Variants in MGST1 observed in about 807,000 individuals in gnomAD.
The protein encoded by MGST1 is glutathione S-transferase 12.
Under a neutral mutation model 8.9 loss-of-function variants are expected in MGST1, and 5 were observed. That is an observed-to-expected ratio of 0.56 (90% CI 0.29 to 1.19). The LOEUF (loss-of-function observed/expected upper bound fraction) is 1.19, where lower values mean the gene tolerates loss of function less well. MGST1 is among the 50% of genes most tolerant of loss of function. MGST1 has a pLI of 0.08. For missense variants in MGST1, 182 were observed against 187.4 expected (o/e 0.97, Z 0.17); for synonymous variants, 54 against 67.8 (o/e 0.80, Z 1.00).
At chr12:16,418,944 CTTATATGT>C (rs1423393516) in intron 1 of MGST1, among the ~76,000 whole-genome samples, 1 of 151,994 alleles carries the variant, frequency 6.6e-6, no homozygotes, top group Non-Finnish European at 1.5e-5. Context: ...CCCCTCAGAG[CTTATATGT>C]TTAGTGTTTG....
intron 4 of MGST1, among the ~76,000 whole-genome samples, chr12:16,507,488 C>T (rs1941546094): frequency 6.6e-6 from 1 of 152,014 alleles, no homozygotes. Flanking sequence ...TAATTAACAC[C>T]AGAAGGAAGC....
chr12:16,404,295 C>T (rs985756964), intron 1 of MGST1, among the ~76,000 whole-genome samples: 5 of 151,718 alleles, frequency 3.3e-5, no homozygotes, highest in African/African-American at 7.3e-5. Flanking sequence ...ATATTTTTTC[C>T]ATTCTTTTAC....
intron 4 of MGST1, among the ~76,000 whole-genome samples, chr12:16,470,293 G>T (rs1467452336): frequency 6.6e-6 from 1 of 152,178 alleles, no homozygotes; most frequent in Non-Finnish European, 1.5e-5. Flanking sequence ...TTTAGATCAA[G>T]AAAGCAGGGT....
intron 4 of MGST1, among the ~76,000 whole-genome samples, chr12:16,519,661 C>A (rs769811115): frequency 2.0e-5 from 3 of 151,508 alleles, no homozygotes; most frequent in African/African-American, 7.3e-5. Flanking sequence ...TTTACAGTTT[C>A]AGCTGACTAC....
At chr12:16,351,595 A>G (rs1939468188) in intron 1 of MGST1, among the ~76,000 whole-genome samples, 1 of 152,158 alleles carries the variant, frequency 6.6e-6, no homozygotes, top group African/African-American at 2.4e-5. Flanking sequence ...GGATCACCTG[A>G]GGTCAGGAGT....
At chr12:16,565,421 CT>C (rs1344848663) in intron 4 of MGST1, among the ~76,000 whole-genome samples, 1 of 152,114 alleles carries the variant, frequency 6.6e-6, no homozygotes. Flanking sequence ...ACATTCAATT[CT>C]TTTGTTTTCA....
intron 4 of MGST1, among the ~76,000 whole-genome samples, chr12:16,501,353 T>C (rs949079509): frequency 6.6e-6 from 1 of 152,180 alleles, no homozygotes; most frequent in Non-Finnish European, 1.5e-5. Flanking sequence ...AATATATACC[T>C]CACAACTGTA....
chr12:16,512,204 G>A (rs1386044333), intron 4 of MGST1, among the ~76,000 whole-genome samples: 2 of 151,908 alleles, frequency 1.3e-5, no homozygotes, highest in Non-Finnish European at 2.9e-5. Flanking sequence ...CATATACACT[G>A]AGAGCACACA....
rs376042587 is a variant in MGST1 at position 16,390,245 on chromosome 12, T to G, written n.778+6641T>G. 8.5e-5 allele frequency among the ~76,000 whole-genome samples: 13 copies of G among 152,170 alleles called. No individual in the cohort carries two copies. The East Asian group carries it at 1.2e-3, about 14-fold the overall frequency. On this transcript the variant is annotated intron_variant and non_coding_transcript_variant, in intron 1 of 1. Coordinates refer to the MGST1 transcript ENST00000359720. ...AAAATATTAAACTGGGTAGAGAATT[T>G]TTTAAAAAAATTGTCCACTTTAGAA...
intron 1 of MGST1, among the ~76,000 whole-genome samples, chr12:16,435,724 T>C (rs1940979377): frequency 2.0e-5 from 3 of 151,430 alleles, no homozygotes; most frequent in Admixed American, 2.0e-4. Context: ...AACCCTAGAC[T>C]TCTAAGATTA....
chr12:16,352,549 G>C (rs1460374619), intron 1 of MGST1, among the ~76,000 whole-genome samples: 1 of 152,156 alleles, frequency 6.6e-6, no homozygotes, highest in Non-Finnish European at 1.5e-5. Context: ...ACAAGAGGAG[G>C]TTACAAAGAA....
At chr12:16,425,139 A>G (rs1320236300) in intron 1 of MGST1, among the ~76,000 whole-genome samples, 2 of 152,112 alleles carry the variant, frequency 1.3e-5, no homozygotes, top group African/African-American at 4.8e-5. Context: ...TACAGCAATT[A>G]TGGTCTTTGA....
At chr12:16,511,741 C>T (rs1424065170) in intron 4 of MGST1, among the ~76,000 whole-genome samples, 1 of 152,054 alleles carries the variant, frequency 6.6e-6, no homozygotes, top group African/African-American at 2.4e-5. Context: ...CAGTACCAGC[C>T]CCTCTCTTCT....
In MGST1 at chr12:16,555,392, TG is replaced by T. The variant is rs1300072897; in HGVS notation, n.483-34135del. Among the ~76,000 whole-genome samples the T allele has an allele frequency of 1.3e-5, 2 of 152,200 alleles. No homozygotes were observed. The highest frequency in any genetic ancestry group is 4.8e-5 in the African/African-American group (2 of 41,454). On this transcript the variant is annotated intron_variant and non_coding_transcript_variant, in intron 4 of 4. Coordinates refer to the MGST1 transcript ENST00000538857. The surrounding 1 kb of genome is among the most constrained non-coding windows in gnomAD (Gnocchi z 5.5). ...GGTGTTTCAAAATTTCTCATGAATG[TG>T]TAACTGGTTTGCCATTATAGTCAGC...
chr12:16,381,133 A>G (rs540401438), downstream of MGST1, among the ~76,000 whole-genome samples: 18 of 152,276 alleles, frequency 1.2e-4, no homozygotes, highest in Non-Finnish European at 2.4e-4. Flanking sequence ...CATTTAGCCC[A>G]TTTACATTTA....
chr12:16,412,226 A>G (rs1940748105), intron 1 of MGST1, among the ~76,000 whole-genome samples: 2 of 152,200 alleles, frequency 1.3e-5, no homozygotes, highest in South Asian at 2.1e-4. Context: ...GACCATGAGT[A>G]CAATCTGAAT....
chr12:16,550,326 G>A (rs959529043), intron 4 of MGST1: 1 of 152,364 alleles, frequency 6.6e-6, no homozygotes, highest in African/African-American at 2.4e-5. Context: ...TCTCATAATT[G>A]TGGTAACAGA....
chr12:16,568,143 G>GGTATT (rs1337321044), intron 4 of MGST1, among the ~76,000 whole-genome samples: 2 of 152,078 alleles, frequency 1.3e-5, no homozygotes, highest in African/African-American at 4.8e-5. Context: ...GGTTTCTCTG[G>GGTATT]GTATTGTATG....
At chr12:16,350,299 T>C (rs1939403531) in intron 1 of MGST1, among the ~76,000 whole-genome samples, 1 of 152,202 alleles carries the variant, frequency 6.6e-6, no homozygotes, top group Non-Finnish European at 1.5e-5. Context: ...GCAAGAGAGG[T>C]TGAGATACTT....
Sources: gnomAD v4.1 joint callset for allele counts (sites outside exome capture counted in the v4.1 genomes callset) on GRCh38, gnomAD v4.1.1 for gene constraint, Gnocchi (gnomAD v3.1) non-coding constraint, MANE v1.5 for transcripts, NCBI Gene and HGNC (gene_info 2026-07-23, HGNC 2026-07-21) for gene names.